The following IGSF21 variants were observed in gnomAD, a reference collection of about 807,000 sequenced individuals.
IGSF21 encodes immunoglobulin superfamily member 21.
Under a neutral mutation model 46.8 loss-of-function variants are expected in IGSF21, and 28 were observed. The ratio of observed to expected loss-of-function variants is 0.60; its 90% CI spans 0.44 to 0.82. IGSF21 has a LOEUF of 0.82. Ranked by LOEUF, IGSF21 falls within the 40% of genes least tolerant of loss-of-function variation. The pLI, the probability that IGSF21 is intolerant of heterozygous loss-of-function variation, is 0.00. For missense variants in IGSF21, 624 were observed against 665.5 expected, an observed-to-expected ratio of 0.94 and a Z score of 0.69; for synonymous variants, 284 against 273.6, an observed-to-expected ratio of 1.04 and a Z score of -0.38.
chr1:18,359,897 C>A (rs2086081406), intron 4 of IGSF21, among the ~76,000 whole-genome samples: 1 of 152,180 alleles, frequency 6.6e-6, no homozygotes, highest in African/African-American at 2.4e-5. Flanking sequence ...CGAGGTGGCT[C>A]AGCTTCATGT....
intron 1 of IGSF21, among the ~76,000 whole-genome samples, chr1:18,190,826 G>T (rs1342368195): frequency 6.6e-6 from 1 of 152,186 alleles, no homozygotes; most frequent in Non-Finnish European, 1.5e-5. Context: ...TGCTTTCTCG[G>T]CTGGGCCTAA....
At chr1:18,363,080 C>T (rs2086119504) in intron 5 of IGSF21, among the ~76,000 whole-genome samples, 1 of 152,162 alleles carries the variant, frequency 6.6e-6, no homozygotes, top group South Asian at 2.1e-4. Flanking sequence ...TGAAGAGAGG[C>T]CAAGTCACTC....
intron 1 of IGSF21, among the ~76,000 whole-genome samples, chr1:18,171,556 G>A (rs1218216746): frequency 6.6e-6 from 1 of 152,188 alleles, no homozygotes; most frequent in Non-Finnish European, 1.5e-5. Flanking sequence ...CACTAGCCAC[G>A]AGTGACTTTT....
intron 1 of IGSF21, among the ~76,000 whole-genome samples, chr1:18,141,802 C>T (rs1306830185): frequency 6.6e-6 from 1 of 152,204 alleles, no homozygotes; most frequent in Non-Finnish European, 1.5e-5. Flanking sequence ...GGCACAGTGG[C>T]TCATACCTGT....
At chr1:18,254,757 T>C (rs1419328764) in intron 2 of IGSF21, among the ~76,000 whole-genome samples, 1 of 152,218 alleles carries the variant, frequency 6.6e-6, no homozygotes, top group Non-Finnish European at 1.5e-5. Context: ...GGTGGCTCTG[T>C]TCCACTTCTG....
chr1:18,277,446 T>C (rs2085113074), intron 2 of IGSF21, among the ~76,000 whole-genome samples: 1 of 152,212 alleles, frequency 6.6e-6, no homozygotes, highest in African/African-American at 2.4e-5. Flanking sequence ...CCTCTGTGTC[T>C]AGCACAGGGG....
chr1:18,216,895 G>T lies in IGSF21; in HGVS notation c.71-11003G>T, dbSNP rs188034117. Among the ~76,000 whole-genome samples the T allele has an allele frequency of 9.8e-5, 15 of 152,286 alleles. No individual in the cohort carries two copies. The East Asian group carries it at 2.3e-3, about 23-fold the overall frequency. On this transcript the variant is annotated intron_variant, in intron 1 of 9. Coordinates refer to ENST00000251296, the MANE Select transcript of IGSF21 (RefSeq NM_032880.5). ...TTACAATAGTAATTATGTAGCACTG[G>T]AACCCAGGGAGGATGTCCTTAGTGC...
intron 4 of IGSF21, among the ~76,000 whole-genome samples, chr1:18,341,542 C>T (rs2124612541): frequency 6.6e-6 from 1 of 152,302 alleles, no homozygotes; most frequent in Admixed American, 6.5e-5. Context: ...TGGGCACTGA[C>T]TAATATGCAG....
chr1:18,158,282 C>T (rs2086585632), intron 1 of IGSF21, among the ~76,000 whole-genome samples: 1 of 152,238 alleles, frequency 6.6e-6, no homozygotes, highest in Admixed American at 6.5e-5. Context: ...CAACAGGCCA[C>T]TAAACCACAG....
At chr1:18,332,363 CTTTCACCTACAAA>C (rs555479209) in intron 3 of IGSF21, among the ~76,000 whole-genome samples, 25 of 152,350 alleles carry the variant, frequency 1.6e-4, no homozygotes, top group African/African-American at 6.0e-4. Flanking sequence ...ACCTGAACTC[CTTTCACCTACAAA>C]AGTCATTTAA....
intron 1 of IGSF21, among the ~76,000 whole-genome samples, chr1:18,116,517 T>G (rs1454781553): frequency 1.3e-5 from 2 of 152,238 alleles, no homozygotes; most frequent in Non-Finnish European, 2.9e-5. Flanking sequence ...TCTCCCTTCC[T>G]CCTGATGGGG....
intron 1 of IGSF21, among the ~76,000 whole-genome samples, chr1:18,203,121 A>T (rs1031270975): frequency 4.6e-5 from 7 of 152,172 alleles, no homozygotes; most frequent in Non-Finnish European, 8.8e-5. Context: ...CAACTCAGTT[A>T]CTGAGACGTT....
intron 3 of IGSF21, among the ~76,000 whole-genome samples, chr1:18,332,237 C>G: frequency 6.6e-6 from 1 of 152,330 alleles, no homozygotes; most frequent in Non-Finnish European, 1.5e-5. Flanking sequence ...GTTACCTGCA[C>G]GTATCTGCCT....
chr1:18,273,434 CT>C (rs1320368526), intron 2 of IGSF21, among the ~76,000 whole-genome samples: 1 of 120,946 alleles, frequency 8.3e-6, no homozygotes, highest in Non-Finnish European at 1.7e-5. Context: ...CCTTTCCTTT[CT>C]TTCTTTCTCA....
chr1:18,223,188 C>T (rs1410666204), intron 1 of IGSF21, among the ~76,000 whole-genome samples: 3 of 152,228 alleles, frequency 2.0e-5, no homozygotes, highest in Non-Finnish European at 4.4e-5. Flanking sequence ...GAGCCTGGCC[C>T]CAACCCCAGG....
At chr1:18,287,846 T>C (rs886514658) in intron 2 of IGSF21, among the ~76,000 whole-genome samples, 2 of 152,212 alleles carry the variant, frequency 1.3e-5, no homozygotes, top group African/African-American at 4.8e-5. Flanking sequence ...CCTCCCTCTC[T>C]GGGTGTGGGC....
intron 1 of IGSF21, among the ~76,000 whole-genome samples, chr1:18,225,811 C>T (rs1165813639): frequency 3.3e-5 from 5 of 152,208 alleles, no homozygotes; most frequent in Admixed American, 2.0e-4. Flanking sequence ...TGCAGATGTA[C>T]AGTGTTTGCC....
chr1:18,212,090 A>G (rs2084398372), intron 1 of IGSF21, among the ~76,000 whole-genome samples: 1 of 152,244 alleles, frequency 6.6e-6, no homozygotes, highest in South Asian at 2.1e-4. Context: ...GGATAGCTGC[A>G]GGGAGCTGGA....
chr1:18,293,493 A>C (rs981330655), intron 3 of IGSF21, among the ~76,000 whole-genome samples: 1 of 152,064 alleles, frequency 6.6e-6, no homozygotes, highest in Admixed American at 6.6e-5. Context: ...GAGAATGTGG[A>C]CGTGAAGGTG....
Sources: allele counts gnomAD v4.1 joint callset (sites outside exome capture counted in the v4.1 genomes callset), GRCh38; gene constraint gnomAD v4.1.1; transcripts MANE v1.5; gene names NCBI Gene and HGNC (gene_info 2026-07-23, HGNC 2026-07-21).